The following DPP6 variants were observed in gnomAD, a reference collection of about 807,000 sequenced individuals.
DPP6 encodes the protein dipeptidyl peptidase like 6, also known as A-type potassium channel modulatory protein DPP6.
Under a neutral mutation model 122.6 loss-of-function variants are expected in DPP6, and 69 were observed. That is an observed-to-expected ratio of 0.56 (90% CI 0.46 to 0.69). The LOEUF (loss-of-function observed/expected upper bound fraction) is 0.69. Ranked by LOEUF, DPP6 falls within the 30% of genes least tolerant of loss-of-function variation. DPP6 has a pLI of 0.00. For synonymous variants in DPP6, 418 were observed against 433.1 expected, an observed-to-expected ratio of 0.97 and a Z score of 0.43; for missense variants, 928 against 1,116.9, an observed-to-expected ratio of 0.83 and a Z score of 2.41.
chr7:153,949,036 G>C (rs1326488811), intron 1 of DPP6, among the ~76,000 whole-genome samples: 1 of 152,136 alleles, frequency 6.6e-6, no homozygotes, highest in African/African-American at 2.4e-5. Context: ...CAGATTAATA[G>C]ACGACTGAAT....
chr7:153,844,195 C>T, the DPP6 span, among the ~76,000 whole-genome samples: 1 of 152,180 alleles, frequency 6.6e-6, no homozygotes, highest in Non-Finnish European at 1.5e-5. Context: ...ATCCTGCATG[C>T]AATTTTGTAT....
the DPP6 span, among the ~76,000 whole-genome samples, chr7:153,872,728 A>G: frequency 6.6e-6 from 1 of 152,194 alleles, no homozygotes; most frequent in Non-Finnish European, 1.5e-5. Flanking sequence ...CCACAGCACT[A>G]AGTGGCAGAG....
intron 1 of DPP6, among the ~76,000 whole-genome samples, chr7:154,269,345 A>G (rs1803642565): frequency 6.6e-6 from 1 of 152,154 alleles, no homozygotes; most frequent in South Asian, 2.1e-4. Flanking sequence ...TTTGATGGTC[A>G]GCTCTTAAGA....
intron 1 of DPP6, among the ~76,000 whole-genome samples, chr7:154,227,215 G>GACACACACACACACACACATACAC (rs1554495537): frequency 7.1e-6 from 1 of 141,356 alleles, no homozygotes; most frequent in African/African-American, 2.7e-5. Context: ...GAAAATGAGG[G>GACACACACACACACACACATACAC]ACACACACAC....
At chr7:154,191,400 G>C (rs1585592822) in intron 1 of DPP6, among the ~76,000 whole-genome samples, 1 of 152,294 alleles carries the variant, frequency 6.6e-6, no homozygotes, top group South Asian at 2.1e-4. Flanking sequence ...TTATAAAATA[G>C]TGATAAGATT....
chr7:153,937,804 A>G (rs2129015776), intron 1 of DPP6, among the ~76,000 whole-genome samples: 1 of 152,222 alleles, frequency 6.6e-6, no homozygotes, highest in East Asian at 1.9e-4. Flanking sequence ...GGGAAAGCAC[A>G]CCAGGAGATT....
intron 1 of DPP6, among the ~76,000 whole-genome samples, chr7:154,070,387 C>T (rs1310575054): frequency 6.6e-6 from 1 of 151,974 alleles, no homozygotes; most frequent in Non-Finnish European, 1.5e-5. Flanking sequence ...CAAATAAATG[C>T]ATTTATTTCT....
chr7:154,021,302 G>A (rs1053513489), intron 1 of DPP6, among the ~76,000 whole-genome samples: 9 of 152,152 alleles, frequency 5.9e-5, no homozygotes, highest in African/African-American at 2.2e-4. Flanking sequence ...AGGACAGGAA[G>A]TCACAAAATG....
intron 1 of DPP6, among the ~76,000 whole-genome samples, chr7:154,301,178 T>C (rs527862403): frequency 2.7e-4 from 41 of 152,334 alleles, no homozygotes; most frequent in Non-Finnish European, 4.7e-4. Context: ...TGAGGTCAGA[T>C]ATTAACCATC....
At chr7:154,289,063 T>C (rs570065343) in intron 1 of DPP6, among the ~76,000 whole-genome samples, 1 of 152,182 alleles carries the variant, frequency 6.6e-6, no homozygotes, top group Non-Finnish European at 1.5e-5. Context: ...GCAGCAAAAG[T>C]CATTTCTGGG....
At chr7:153,931,501 T>C (rs565435096) in intron 1 of DPP6, among the ~76,000 whole-genome samples, 1 of 152,240 alleles carries the variant, frequency 6.6e-6, no homozygotes, top group African/African-American at 2.4e-5. Flanking sequence ...CAGGTGAATG[T>C]CCTAGGAAGA....
chr7:154,726,847 CAAA>C (rs1389598687), intron 7 of DPP6, among the ~76,000 whole-genome samples: 2 of 152,184 alleles, frequency 1.3e-5, no homozygotes, highest in Non-Finnish European at 2.9e-5. Flanking sequence ...TCATGCATAA[CAAA>C]AGTGACCTTG....
chr7:154,696,504 G>A (rs1261385798), intron 7 of DPP6, among the ~76,000 whole-genome samples: 2 of 152,188 alleles, frequency 1.3e-5, no homozygotes, highest in East Asian at 3.9e-4. Context: ...GACTTCTGAG[G>A]TCTCAGGCTA....
intron 3 of DPP6, among the ~76,000 whole-genome samples, chr7:154,535,426 A>G (rs1828166084): frequency 1.3e-5 from 2 of 151,774 alleles, no homozygotes; most frequent in Admixed American, 6.6e-5. Flanking sequence ...TCTGGGGTAC[A>G]TGTGCAGAAT....
intron 1 of DPP6, among the ~76,000 whole-genome samples, chr7:154,239,122 G>A (rs1338387630): frequency 1.3e-5 from 2 of 152,246 alleles, no homozygotes; most frequent in African/African-American, 4.8e-5. Flanking sequence ...GTTCTTAGGG[G>A]AAGGGGAAAA....
chr7:154,532,949 T>C (rs1225073880), intron 3 of DPP6, among the ~76,000 whole-genome samples: 1 of 152,134 alleles, frequency 6.6e-6, no homozygotes, highest in Non-Finnish European at 1.5e-5. Context: ...TACAAGACTT[T>C]CATTCTAGAA....
chr7:153,924,446 TGG>T (rs1485870191), intron 1 of DPP6, among the ~76,000 whole-genome samples: 1 of 152,150 alleles, frequency 6.6e-6, no homozygotes, highest in Non-Finnish European at 1.5e-5. Context: ...GAATTGATAT[TGG>T]TGTTTGATGA....
chr7:153,772,107 A>G, the DPP6 span, among the ~76,000 whole-genome samples: 9 of 152,256 alleles, frequency 5.9e-5, no homozygotes, highest in South Asian at 1.9e-3. Flanking sequence ...ATATATAAAT[A>G]CAGTCTCACT....
intron 1 of DPP6, among the ~76,000 whole-genome samples, chr7:154,062,531 T>A (rs1334616024): frequency 1.1e-4 from 2 of 18,536 alleles, no homozygotes; most frequent in Non-Finnish European, 1.9e-4. Context: ...AGCTATCCCC[T>A]CTTCCGCCCC....
Sources: allele counts gnomAD v4.1 joint callset (sites outside exome capture counted in the v4.1 genomes callset), GRCh38; gene constraint gnomAD v4.1.1; transcripts MANE v1.5; gene names NCBI Gene and HGNC (gene_info 2026-07-23, HGNC 2026-07-21).